Variants in BAZ1A observed in about 807,000 individuals in gnomAD.
BAZ1A encodes the protein bromodomain adjacent to zinc finger domain 1A, also known as bromodomain adjacent to zinc finger domain protein 1A.
In BAZ1A, 50 loss-of-function variants were observed where a neutral mutation model predicts 185.2. The ratio of observed to expected loss-of-function variants is 0.27; its 90% CI spans 0.22 to 0.34. BAZ1A has a LOEUF of 0.34. Among genes scored for constraint, BAZ1A ranks in the 10% least tolerant of loss-of-function variants. BAZ1A has a pLI of 1.00. For missense variants in BAZ1A, 1,356 were observed against 1,839.9 expected (o/e 0.74, Z 4.81); for synonymous variants, 571 against 615.6 (o/e 0.93, Z 1.07).
Position 34,767,590 on chromosome 14 carries a change from G to A in BAZ1A, c.3302-2322C>T, listed in dbSNP as rs529702164. ...ATTGGAGAGTAGAGTCCACTTAAAT[G>A]CATTTGATTTATTTCTCCCCTGTCA... On this transcript the variant is annotated intron_variant, in intron 21 of 26. Transcript: ENST00000360310. Among the ~76,000 whole-genome samples, 7 of 152,168 alleles carry A rather than the reference G, an allele frequency of 4.6e-5. No individual in the cohort carries two copies. The South Asian group carries it at 1.5e-3, about 32-fold the overall frequency.
At position 34,794,840 on chromosome 14, in the gene BAZ1A, G is replaced by A. The variant is rs1381643004; in HGVS notation, c.1272C>T (p.Ile424=). The change falls in exon 11 of 27, where the codon ATC becomes ATT. Residue 424 remains isoleucine (I), a synonymous_variant. Transcript: ENST00000360310. The part of the protein sequence containing the change: ...TPVKTRLPPE[I]FGDALMVLEF... ...CCAAAACCATCAGAGCATCACCAAA[G>A]ATTTCAGGAGGTAGTCTAGTTTTCA... is the stretch of plus-strand genomic sequence containing the variant. 6.2e-7 allele frequency: 1 copy of A among 1,614,020 alleles called. No individual in the cohort carries two copies. The highest frequency in any genetic ancestry group is 1.3e-5 in the African/African-American group (1 of 74,940).
rs1021562445 is a variant in BAZ1A at position 34,814,645 on chromosome 14, A to AT, written c.537-3610dup. On this transcript the variant is annotated intron_variant, in intron 4 of 26. Transcript: ENST00000360310. ...CACCCATGCCCGGCTAATTTTTTGT[A>AT]TTTTTTTTTTGTAGAGACAGGGTTT... Among the ~76,000 whole-genome samples, 506 of 146,994 alleles carry AT rather than the reference A, an allele frequency of 3.4e-3. 3 individuals carry two copies. The highest frequency in any genetic ancestry group is 0.018 in the South Asian group (82 of 4,588).
rs1192978407 is a variant in BAZ1A, at chr14:34,762,189, G to A, written c.3811C>T (p.Pro1271Ser). ...PKRGRPQVRLPVKTRGKLSSS... is the reference protein window; with the variant it reads ...PKRGRPQVRLSVKTRGKLSSS... Reference sequence around the variant, plus strand: ...CTAAGTTTCCCTCTTGTTTTAACTGGCAATCTAACTTGTGGTCTTCCTCGT... The same window carrying A: ...CTAAGTTTCCCTCTTGTTTTAACTGACAATCTAACTTGTGGTCTTCCTCGT... Residue 1271 changes from proline (P) to serine (S), a missense_variant, in exon 24 of 27, where the codon CCA becomes TCA. Transcript: ENST00000360310. The A allele has an allele frequency of 6.2e-7, 1 of 1,614,106 alleles. No individual in the cohort carries two copies.
At chr14:34,858,139 C>G (rs1434287584) in intron 3 of BAZ1A, among the ~76,000 whole-genome samples, 3 of 151,956 alleles carry the variant, frequency 2.0e-5, no homozygotes, top group African/African-American at 7.3e-5. Context: ...GTTAATAGTG[C>G]CAAGGTGAAC....
chr14:34,870,549 A>G (rs919052527), intron 2 of BAZ1A, among the ~76,000 whole-genome samples: 1 of 152,242 alleles, frequency 6.6e-6, no homozygotes, highest in Non-Finnish European at 1.5e-5. Flanking sequence ...GAGCTTAATC[A>G]CTTGGGGTAT....
intron 12 of BAZ1A, among the ~76,000 whole-genome samples, chr14:34,788,570 C>T (rs189700889): frequency 1.1e-4 from 16 of 152,212 alleles, no homozygotes; most frequent in African/African-American, 3.9e-4. Context: ...TCCCGAAGTG[C>T]CAGGATTACA....
chr14:34,798,325 A>T (rs1320310708), intron 9 of BAZ1A, among the ~76,000 whole-genome samples: 1 of 152,254 alleles, frequency 6.6e-6, no homozygotes, highest in Non-Finnish European at 1.5e-5. Flanking sequence ...CCTGTCTGGC[A>T]GCTCCTAGCA....
At chr14:34,843,578 C>T (rs1449826030) in intron 3 of BAZ1A, among the ~76,000 whole-genome samples, 1 of 152,092 alleles carries the variant, frequency 6.6e-6, no homozygotes, top group African/African-American at 2.4e-5. Flanking sequence ...TGCAGCCAAC[C>T]ACAGAATTGT....
chr14:34,809,439 A>G (rs1186713925), intron 5 of BAZ1A, among the ~76,000 whole-genome samples: 4 of 152,220 alleles, frequency 2.6e-5, no homozygotes, highest in Admixed American at 1.3e-4. Flanking sequence ...CAAATGCTCA[A>G]TAGTGACACA....
chr14:34,757,112 C>A (rs1367471748), intron 25 of BAZ1A, among the ~76,000 whole-genome samples: 2 of 152,134 alleles, frequency 1.3e-5, no homozygotes, highest in African/African-American at 4.8e-5. Flanking sequence ...TGCCTGTAAT[C>A]CCAGCACTTT....
chr14:34,790,638 G>A (rs898073279), intron 12 of BAZ1A, among the ~76,000 whole-genome samples: 1 of 152,124 alleles, frequency 6.6e-6, no homozygotes, highest in Non-Finnish European at 1.5e-5. Flanking sequence ...ACAGGCATGA[G>A]CCACCACACC....
At chr14:34,838,181 A>G (rs546098598) in intron 3 of BAZ1A, among the ~76,000 whole-genome samples, 26 of 152,308 alleles carry the variant, frequency 1.7e-4, no homozygotes, top group Admixed American at 1.3e-4. Context: ...TGTTTATGCC[A>G]TTAAACACTT....
chr14:34,794,603 G>A, intron 11 of BAZ1A, 146 bp downstream of exon 11: 2 of 720,680 alleles, frequency 2.8e-6, no homozygotes, highest in Non-Finnish European at 4.4e-6. Context: ...AGACCTGTGT[G>A]AGAAGAAGCC....
chr14:34,772,277 A>G (rs988605149), intron 20 of BAZ1A, among the ~76,000 whole-genome samples: 1 of 152,012 alleles, frequency 6.6e-6, no homozygotes, highest in African/African-American at 2.4e-5. Context: ...TTAAAGTGCA[A>G]ACTCATTCAC....
At chr14:34,860,279 A>T (rs924835464) in intron 3 of BAZ1A, among the ~76,000 whole-genome samples, 10 of 151,238 alleles carry the variant, frequency 6.6e-5, no homozygotes, top group African/African-American at 2.4e-4. Context: ...AGGCCAAGGC[A>T]GGTGGATTAC....
chr14:34,810,555 C>A (rs2041915592), intron 5 of BAZ1A, among the ~76,000 whole-genome samples: 1 of 151,974 alleles, frequency 6.6e-6, no homozygotes, highest in Admixed American at 6.6e-5. Context: ...AAATAGGACC[C>A]TTTTTAATTC....
intron 12 of BAZ1A, among the ~76,000 whole-genome samples, chr14:34,790,314 G>A (rs772007151): frequency 6.6e-6 from 1 of 151,786 alleles, no homozygotes; most frequent in Non-Finnish European, 1.5e-5. Context: ...GGGGCTATAG[G>A]CTGCACCACT....
At position 34,762,017 on chromosome 14, in the gene BAZ1A, G is replaced by A; in HGVS notation, c.3983C>T (p.Ser1328Phe). 6.2e-7 allele frequency: 1 copy of A among 1,614,208 alleles called. No individual in the cohort carries two copies. Among genetic ancestry groups the A allele is most frequent in the Non-Finnish European group, 8.5e-7 (1 of 1,180,036 alleles). Residue 1328 changes from serine to phenylalanine, a missense_variant, in exon 24 of 27, where the codon TCT becomes TTT. By Grantham distance (155) the Ser-to-Phe change is radical. Around this residue, in one of 7 missense-constraint regions of BAZ1A, gnomAD observed 309 missense variants for 355.3 expected, o/e 0.87. Coordinates refer to ENST00000360310, the MANE Select transcript of BAZ1A (RefSeq NM_013448.3). ...AGTAGAACGACTGGCAATTCTTAAA[G>A]ATTTTGTTTCTGTAGGAGGAGCAGA... ...INSAPPTETK[S>F]LRIASRSTRH...
chr14:34,799,672 C>T (rs962413492), intron 9 of BAZ1A, among the ~76,000 whole-genome samples: 22 of 151,666 alleles, frequency 1.5e-4, no homozygotes, highest in African/African-American at 5.3e-4. Context: ...CGTGCAGTGG[C>T]GTGATCTTGG....
Sources: allele counts gnomAD v4.1 joint callset (sites outside exome capture counted in the v4.1 genomes callset), GRCh38; gene constraint gnomAD v4.1.1; regional missense constraint gnomAD v4.1.1; transcripts MANE v1.5; gene names NCBI Gene and HGNC (gene_info 2026-07-23, HGNC 2026-07-21).